Variants in SERPINA10 observed in about 807,000 individuals in gnomAD.
SERPINA10 encodes protein Z-dependent protease inhibitor.
A neutral mutation model predicts 28.0 loss-of-function variants in SERPINA10; 24 were observed. The observed-to-expected ratio is 0.86, with a 90% CI of 0.62 to 1.20. The LOEUF is 1.20. Ranked by LOEUF, SERPINA10 falls within the 50% of genes most tolerant of loss-of-function variation. SERPINA10 has a pLI of 0.00. For missense variants in SERPINA10, 521 were observed against 537.7 expected (o/e 0.97, Z 0.31); for synonymous variants, 207 against 203.9 (o/e 1.02, Z -0.13).
intron 1 of SERPINA10, chr14:94,292,497 T>G (rs893727158): frequency 3.0e-6 from 2 of 673,018 alleles, no homozygotes; most frequent in African/African-American, 3.5e-5. Flanking sequence ...CTTTCTACAT[T>G]AAGACCACAC....
intron 2 of SERPINA10, 38 bp downstream of exon 2, chr14:94,289,838 C>T (rs1363418914): frequency 1.9e-6 from 3 of 1,607,386 alleles, no homozygotes; most frequent in East Asian, 2.2e-5. Context: ...AATCGTAGGG[C>T]CCTGTGGCCT....
chr14:94,292,273 T>C lies in SERPINA10; in HGVS notation c.-51+916A>G, dbSNP rs989065117. 1.8e-4 allele frequency among the ~76,000 whole-genome samples: 28 copies of C among 152,058 alleles called. 1 individual carries two copies. Among genetic ancestry groups the C allele is most frequent in the Admixed American group, 1.5e-3 (23 of 15,282 alleles). ...TCATAAGAAGAGAGCAGAGTCCCCCTCCGCACCTCCTCTCCATGGGAGGAC... is the reference window on the plus strand; with the variant it reads ...TCATAAGAAGAGAGCAGAGTCCCCCCCCGCACCTCCTCTCCATGGGAGGAC... On this transcript the variant is annotated intron_variant, in intron 1 of 4. Transcript: ENST00000261994.
chr14:94,292,570 G>A (rs1030846781), intron 1 of SERPINA10: 39 of 700,732 alleles, frequency 5.6e-5, no homozygotes, highest in Non-Finnish European at 9.1e-5. Flanking sequence ...AGCCCAGCAC[G>A]CCAACTAGAT....
rs767563532 is a variant in SERPINA10, at chr14:94,284,160, G to GA, written c.1144-5dup. ...CAATCACTGTTCTTTGTAAAACCTG[G>GA]AAAAAGGAAATAATGTGAAAAACCA... On this transcript the variant is annotated splice_polypyrimidine_tract_variant and splice_region_variant and intron_variant, in intron 4 of 4. Coordinates refer to ENST00000261994, the MANE Select transcript of SERPINA10 (RefSeq NM_001100607.3). 6.2e-7 allele frequency: 1 copy of GA among 1,613,242 alleles called. No homozygotes were observed. The highest frequency in any genetic ancestry group is 8.5e-7 in the Non-Finnish European group (1 of 1,179,288).
Position 94,290,357 on chromosome 14 carries a change from A to G in SERPINA10, c.237T>C (p.Thr79=). The G allele has an allele frequency of 6.2e-7, 1 of 1,614,192 alleles. No individual in the cohort carries two copies. Among genetic ancestry groups the G allele is most frequent in the Non-Finnish European group, 8.5e-7 (1 of 1,180,038 alleles). The change falls in exon 2 of 5, where the codon ACT becomes ACC. Residue 79 remains threonine, a synonymous_variant. Transcript: ENST00000261994. ...GCAGCAGGCTGAATCCGAAGTTTGA[A>G]GTCTCCTTGGCAAGCTGCTGCCTGC... ...MASRQQLAKE[T]SNFGFSLLRK...
intron 1 of SERPINA10, among the ~76,000 whole-genome samples, chr14:94,290,967 G>A (rs1479037775): frequency 6.6e-6 from 1 of 152,116 alleles, no homozygotes; most frequent in East Asian, 1.9e-4. Flanking sequence ...CACAGAAGGT[G>A]GGGGTCCAAG....
intron 4 of SERPINA10, 151 bp from the exon 5 acceptor site, chr14:94,284,307 G>A (rs1894970754): frequency 2.7e-6 from 2 of 750,802 alleles, no homozygotes. Context: ...AAGAGGAGTG[G>A]TCTGGGGTTG....
rs1894911296 is a variant in SERPINA10, at chr14:94,281,965, A to G, written c.*2000T>C. The G allele has an allele frequency of 6.6e-6, 1 of 152,550 alleles. No individual in the cohort carries two copies. The highest frequency in any genetic ancestry group is 1.5e-5 in the Non-Finnish European group (1 of 68,014). 9.4% of individuals were successfully genotyped at this position (152,550 alleles called of 1,614,324 possible). A position where few individuals can be genotyped will look rare whatever the true frequency, so the allele number is the denominator to read the frequency against. ...TCTTTCTACTATTTTTCCACAAACA[A>G]ATCTGACTAATTGAACACAAACAAG... is the stretch of plus-strand genomic sequence containing the variant. On this transcript the variant is annotated 3_prime_UTR_variant, in exon 5 of 5. Transcript: ENST00000261994.
chr14:94,291,591 C>T (rs978301268), intron 1 of SERPINA10, among the ~76,000 whole-genome samples: 7 of 152,208 alleles, frequency 4.6e-5, no homozygotes, highest in Non-Finnish European at 1.0e-4. Flanking sequence ...CTGGGCAGAA[C>T]CCCTGGGACA....
intron 3 of SERPINA10, among the ~76,000 whole-genome samples, chr14:94,287,819 C>T (rs1001698988): frequency 4.6e-5 from 7 of 152,222 alleles, no homozygotes; most frequent in Non-Finnish European, 7.3e-5. Context: ...CACTTCTCTC[C>T]CCGAATATAT....
chr14:94,284,231 T>C, intron 4 of SERPINA10, 75 bp from the exon 5 acceptor site: 1 of 1,318,600 alleles, frequency 7.6e-7, no homozygotes. Context: ...CCCTTGAAAT[T>C]CTTCACAGTG....
Position 94,289,925 on chromosome 14 carries a change from C to G in SERPINA10, c.669G>C (p.Glu223Asp), listed in dbSNP as rs949430793. 6.2e-7 allele frequency: 1 copy of G among 1,613,936 alleles called. No individual in the cohort carries two copies. Among genetic ancestry groups the G allele is most frequent in the African/African-American group, 1.3e-5 (1 of 74,906 alleles). ...GAATTAATTTGGTTTCAGGATTAAT[C>G]TCATCAAACAGTTTGGGAATTTTCC... Reference protein sequence around the residue: ...TRGKIPKLFDEINPETKLILV... With the variant: ...TRGKIPKLFDDINPETKLILV... Residue 223 changes from glutamate to aspartate, a missense_variant, in exon 2 of 5, where the codon GAG becomes GAC. Coordinates refer to ENST00000261994, the MANE Select transcript of SERPINA10 (RefSeq NM_001100607.3).
rs908316260 is a variant in SERPINA10 at position 94,288,419 on chromosome 14, C to T, written c.859G>A (p.Val287Ile). ...STFDKNFRCHVLKLPYQGNAT... is the reference protein window; with the variant it reads ...STFDKNFRCHILKLPYQGNAT... The stretch of plus-strand genomic sequence containing the variant: ...TTTCCTTGGTAGGGCAGTTTGAGGA[C>T]ATGACAACGAAAATTCTTGTCAAAG... Residue 287 changes from valine (V) to isoleucine (I), a missense_variant, in exon 3 of 5, where the codon GTC (valine) becomes ATC (isoleucine). Coordinates refer to ENST00000261994, the MANE Select transcript of SERPINA10 (RefSeq NM_001100607.3). 4.3e-6 allele frequency: 7 copies of T among 1,614,002 alleles called. No homozygotes were observed. Among genetic ancestry groups the T allele is most frequent in the Non-Finnish European group, 5.9e-6 (7 of 1,180,038 alleles).
Position 94,290,437 on chromosome 14 carries a change from G to A in SERPINA10, c.157C>T (p.Gln53Ter). Residue 53 changes from glutamine to a stop codon, truncating the protein, a stop_gained, in exon 2 of 5, where the codon CAG becomes TAG. Coordinates refer to ENST00000261994, the MANE Select transcript of SERPINA10 (RefSeq NM_001100607.3). LOFTEE classifies it high-confidence loss of function. ...QAPKEEEEDE[Q>*]EASEEKASEE... ...CTGGCCTTCTCCTCGCTGGCCTCCT[G>A]CTCATCTTCCTCTTCCTCCTTGGGA... is the stretch of plus-strand genomic sequence containing the variant. The A allele has an allele frequency of 1.2e-6, 2 of 1,613,660 alleles. No homozygotes were observed. Among genetic ancestry groups the A allele is most frequent in the Non-Finnish European group, 1.7e-6 (2 of 1,179,740 alleles).
rs762566150 is a variant in SERPINA10 at position 94,288,496 on chromosome 14, T to C, written c.782A>G (p.Tyr261Cys). 1.9e-6 allele frequency: 3 copies of C among 1,614,214 alleles called. No homozygotes were observed. The highest frequency in any genetic ancestry group is 2.5e-6 in the Non-Finnish European group (3 of 1,180,040). ...TEVDTFHLDK[Y>C]KTIKVPMMYG... ...CATCATGGGCACCTTAATGGTCTTG[T>C]ACTTGTCCAGGTGGAAAGTGTCGAC... The change falls in exon 3 of 5, where the codon TAC becomes TGC. Residue 261 changes from tyrosine (Y) to cysteine (C), a missense_variant. Tyr to Cys is a radical substitution (Grantham distance 194, BLOSUM62 -2). Coordinates refer to ENST00000261994, the MANE Select transcript of SERPINA10 (RefSeq NM_001100607.3).
At chr14:94,285,322 C>G (rs1167057645) in intron 4 of SERPINA10, among the ~76,000 whole-genome samples, 1 of 151,978 alleles carries the variant, frequency 6.6e-6, no homozygotes, top group Admixed American at 6.6e-5. Flanking sequence ...AACCAAGAAC[C>G]CTTCCACTGA....
rs1894906102 is a variant in SERPINA10, at chr14:94,281,709, G to A, written c.*2256C>T. 1 of 152,168 alleles carries A rather than the reference G, an allele frequency of 6.6e-6. No individual in the cohort carries two copies. Among genetic ancestry groups the A allele is most frequent in the South Asian group, 2.1e-4 (1 of 4,830 alleles). 9.4% of individuals were successfully genotyped at this position (152,168 alleles called of 1,614,324 possible). On this transcript the variant is annotated 3_prime_UTR_variant, in exon 5 of 5. Transcript: ENST00000261994. ...GAATAGGTCCATTTTCTACCTTAAA[G>A]AGTAGTATATTAAATACAATTATTA...
rs1248163119 is a variant in SERPINA10 at position 94,290,216 on chromosome 14, T to TCTCTTGATC, written c.369_377dup (p.Ile124_Arg126dup). 2 of 1,613,324 alleles carry TCTCTTGATC rather than the reference T, an allele frequency of 1.2e-6. No homozygotes were observed. The highest frequency in any genetic ancestry group is 1.3e-5 in the African/African-American group (1 of 74,870). Reference sequence around the variant, plus strand: ...GCTTCAGGGCCTGCAAGTGGAGCCCTCTCTTGATCTGGGTTTCAGTCGGCC... The same window carrying TCTCTTGATC: ...GCTTCAGGGCCTGCAAGTGGAGCCCTCTCTTGATCCTCTTGATCTGGGTTTCAGTCGGCC... On this transcript the variant is annotated inframe_insertion, in exon 2 of 5. Coordinates refer to ENST00000261994, the MANE Select transcript of SERPINA10 (RefSeq NM_001100607.3).
At position 94,281,600 on chromosome 14, in the gene SERPINA10, G is replaced by T. The variant is rs1047661084; in HGVS notation, c.*2365C>A. On this transcript the variant is annotated 3_prime_UTR_variant, in exon 5 of 5. Transcript: ENST00000261994. ...GTCTGCGTTTTTCTGTCATGCCTGT[G>T]TACTTGGGAAATCTGAAACTGAGTG... The T allele has an allele frequency of 2.6e-5, 4 of 152,154 alleles. No homozygotes were observed. Among genetic ancestry groups the T allele is most frequent in the Non-Finnish European group, 5.9e-5 (4 of 68,024 alleles). 9.4% of individuals were successfully genotyped at this position (152,154 alleles called of 1,614,324 possible). A position where few individuals can be genotyped will look rare whatever the true frequency, so the allele number is the denominator to read the frequency against.
Sources: gnomAD v4.1 joint callset for allele counts (sites outside exome capture counted in the v4.1 genomes callset) on GRCh38, gnomAD v4.1.1 for gene constraint, MANE v1.5 for transcripts, NCBI Gene and HGNC (gene_info 2026-07-23, HGNC 2026-07-21) for gene names.